The following LARP1 variants were observed in gnomAD, a reference collection of about 807,000 sequenced individuals.
LARP1 encodes the protein La ribonucleoprotein 1, translational regulator.
Under a neutral mutation model 122.7 loss-of-function variants are expected in LARP1, and 36 were observed. That is an observed-to-expected ratio of 0.29 (90% CI 0.22 to 0.39). The LOEUF (loss-of-function observed/expected upper bound fraction) is 0.39. LARP1 is among the 10% of genes least tolerant of loss of function. The probability of loss-of-function intolerance (pLI) is 1.00; values close to 1 mark genes in which losing one functional copy is unlikely to be tolerated. For synonymous variants in LARP1, 539 were observed against 528.7 expected (o/e 1.02, Z -0.27); for missense variants, 1,040 against 1,403.6 (o/e 0.74, Z 4.14).
chr5:154,795,292 T>A lies in LARP1; in HGVS notation c.1350T>A (p.Leu450=). The change falls in exon 8 of 19, where the codon CTT becomes CTA. Residue 450 remains leucine, a synonymous_variant. Transcript: ENST00000518297. ...LIASFHRVQA[L]TTDISLIFAA... ...CTTCCTTCCACCGAGTGCAGGCCCT[T>A]ACCACTGACATTTCACTCATCTTTG... is the stretch of plus-strand genomic sequence containing the variant. The A allele has an allele frequency of 6.2e-7, 1 of 1,614,000 alleles. No individual in the cohort carries two copies. The highest frequency in any genetic ancestry group is 1.1e-5 in the South Asian group (1 of 91,054).
chr5:154,778,509 G>A (rs1217315894), intron 1 of LARP1, among the ~76,000 whole-genome samples: 1 of 152,098 alleles, frequency 6.6e-6, no homozygotes, highest in African/African-American at 2.4e-5. Context: ...ATGATAATTC[G>A]AATGCATGCC....
chr5:154,756,283 C>G (rs1266584652), intron 1 of LARP1, 90 bp downstream of exon 1: 3 of 1,003,280 alleles, frequency 3.0e-6, no homozygotes, highest in Non-Finnish European at 3.7e-6. Flanking sequence ...GCCCCGGGGT[C>G]TGCTACCGGT....
chr5:154,722,487 CAG>C (rs891285385), intron 1 of LARP1, among the ~76,000 whole-genome samples: 8 of 152,014 alleles, frequency 5.3e-5, no homozygotes, highest in Admixed American at 2.6e-4. Context: ...CTGGGCCAGA[CAG>C]GGGTTATTTT....
chr5:154,709,672 C>T (rs1456515303), upstream of LARP1, among the ~76,000 whole-genome samples: 1 of 142,984 alleles, frequency 7.0e-6, no homozygotes, highest in African/African-American at 2.6e-5. Flanking sequence ...AAACTGTGAC[C>T]AAGGCGAGTG....
intron 1 of LARP1, among the ~76,000 whole-genome samples, chr5:154,684,136 A>G (rs897870525): frequency 2.0e-5 from 3 of 152,130 alleles, no homozygotes; most frequent in Admixed American, 2.0e-4. Context: ...TAATGTGTAC[A>G]TGATTCCTGT....
intron 1 of LARP1, among the ~76,000 whole-genome samples, chr5:154,778,662 G>C (rs574959862): frequency 1.5e-3 from 221 of 152,334 alleles, no homozygotes; most frequent in Non-Finnish European, 2.0e-3. Context: ...TCTGAATAGA[G>C]AGACTGAAGA....
intron 1 of LARP1, among the ~76,000 whole-genome samples, chr5:154,788,390 G>A (rs551045971): frequency 6.6e-5 from 10 of 152,266 alleles, no homozygotes; most frequent in East Asian, 1.9e-4. Context: ...TAGTGGCTCC[G>A]GTAGGGGGTG....
At chr5:154,697,330 AT>A (rs1327853591) in intron 1 of LARP1, among the ~76,000 whole-genome samples, 1 of 148,100 alleles carries the variant, frequency 6.8e-6, no homozygotes, top group African/African-American at 2.5e-5. Context: ...TCCAAGATTT[AT>A]TTTCCTTTCA....
chr5:154,780,835 G>A (rs1221381199), intron 1 of LARP1, among the ~76,000 whole-genome samples: 1 of 152,226 alleles, frequency 6.6e-6, no homozygotes, highest in Non-Finnish European at 1.5e-5. Flanking sequence ...GCTGAGGCGG[G>A]TGGATCACTT....
Position 154,785,351 on chromosome 5 carries a change from CATTTT to C in LARP1, c.437-4973_437-4969del, listed in dbSNP as rs1276005847. ...TTTTTCCCGTACATTCTGATTCTTTCATTTTGAGAGATGATTTGGTGTATCTCCCC... is the reference window on the plus strand; with the variant it reads ...TTTTTCCCGTACATTCTGATTCTTTCGAGAGATGATTTGGTGTATCTCCCC... On this transcript the variant is annotated intron_variant, in intron 1 of 18. Transcript: ENST00000518297. Among the ~76,000 whole-genome samples, 4 of 152,312 alleles carry C rather than the reference CATTTT, an allele frequency of 2.6e-5. No individual in the cohort carries two copies. The East Asian group carries it at 7.7e-4, about 29-fold the overall frequency.
chr5:154,701,507 C>T (rs1754709379), intron 1 of LARP1, among the ~76,000 whole-genome samples: 1 of 152,150 alleles, frequency 6.6e-6, no homozygotes, highest in East Asian at 1.9e-4. Context: ...TGACTCAGCT[C>T]TGCCAGTCAG....
At chr5:154,741,938 C>G (rs17116407) in intron 1 of LARP1, among the ~76,000 whole-genome samples, 3,956 of 152,282 alleles carry the variant, frequency 0.026, 112 homozygotes, top group South Asian at 0.092. Context: ...CCAGCTTTTC[C>G]TTGTCTTTAT....
At chr5:154,727,306 T>C (rs1426520797) in intron 1 of LARP1, among the ~76,000 whole-genome samples, 4 of 152,160 alleles carry the variant, frequency 2.6e-5, no homozygotes. Flanking sequence ...TATTATGATA[T>C]AACTGCTGAT....
Position 154,803,364 on chromosome 5 carries a change from T to C in LARP1, c.2184T>C (p.Pro728=). 6.2e-7 allele frequency: 1 copy of C among 1,614,144 alleles called. No individual in the cohort carries two copies. The highest frequency in any genetic ancestry group is 2.2e-5 in the East Asian group (1 of 44,882). ...TTGACACACTGACCCCTGAGCCCCC[T>C]GTGGATCCCAACCAGGAAGTTCCTC... ...EQFDTLTPEP[P]VDPNQEVPPG... The change falls in exon 12 of 19, where the codon CCT becomes CCC. Residue 728 remains proline, a synonymous_variant. Transcript: ENST00000518297. The surrounding 1 kb of genome is among the most constrained non-coding windows in gnomAD (Gnocchi z 4.4).
upstream of LARP1, among the ~76,000 whole-genome samples, chr5:154,707,859 G>A (rs919101015): frequency 6.6e-6 from 1 of 152,292 alleles, no homozygotes; most frequent in Non-Finnish European, 1.5e-5. Flanking sequence ...ACAAGGATAT[G>A]CTGTTGGAAA....
intron 1 of LARP1, among the ~76,000 whole-genome samples, chr5:154,768,115 T>A (rs1004455124): frequency 6.6e-6 from 1 of 152,220 alleles, no homozygotes; most frequent in Non-Finnish European, 1.5e-5. Context: ...GAAGGGTTAG[T>A]AGGTTTTGCC....
chr5:154,795,433 A>T (rs1757671955), intron 8 of LARP1, 114 bp downstream of exon 8: 5 of 1,058,180 alleles, frequency 4.7e-6, no homozygotes, highest in Non-Finnish European at 6.8e-6. Context: ...ACTTCTGCTG[A>T]AGTCTCAAGG....
intron 15 of LARP1, among the ~76,000 whole-genome samples, chr5:154,807,705 C>T (rs1184488047): frequency 1.3e-5 from 2 of 152,152 alleles, no homozygotes; most frequent in African/African-American, 2.4e-5. Context: ...CATGCTCCAC[C>T]ATACCAATCT....
At chr5:154,792,055 G>C in intron 3 of LARP1, 1 of 439,806 alleles carries the variant, frequency 2.3e-6, no homozygotes, top group Non-Finnish European at 4.7e-6. Context: ...CCATCACTAC[G>C]CTTGGGTTTT....
Sources: allele counts gnomAD v4.1 joint callset (sites outside exome capture counted in the v4.1 genomes callset), GRCh38; gene constraint gnomAD v4.1.1; non-coding constraint Gnocchi (gnomAD v3.1); transcripts MANE v1.5; gene names NCBI Gene and HGNC (gene_info 2026-07-23, HGNC 2026-07-21).